SLC8A1: variants seen among roughly 807,000 people sequenced by gnomAD.
SLC8A1 encodes solute carrier family 8 member A1, also known as sodium/calcium exchanger 1.
Under a neutral mutation model 68.3 loss-of-function variants are expected in SLC8A1, and 18 were observed. The ratio of observed to expected loss-of-function variants is 0.26; its 90% CI spans 0.18 to 0.39. SLC8A1 has a LOEUF of 0.39. Ranked by LOEUF, SLC8A1 falls within the 10% of genes least tolerant of loss-of-function variation. The probability of loss-of-function intolerance (pLI) is 1.00; values close to 1 mark genes in which losing one functional copy is unlikely to be tolerated. For missense variants in SLC8A1, 985 were observed against 1,156.7 expected (o/e 0.85, Z 2.15); for synonymous variants, 475 against 415.5 (o/e 1.14, Z -1.74).
intron 2 of SLC8A1, among the ~76,000 whole-genome samples, chr2:40,377,544 T>C (rs1680289993): frequency 6.6e-6 from 1 of 152,146 alleles, no homozygotes; most frequent in African/African-American, 2.4e-5. Flanking sequence ...AATTGTGTGC[T>C]TCAGATGCCA....
intron 7 of SLC8A1, chr2:40,116,842 A>G (rs1368547442): frequency 6.6e-6 from 1 of 152,224 alleles, no homozygotes; most frequent in African/African-American, 2.4e-5. Flanking sequence ...GGTCCACTAC[A>G]GAAGGTTGAA....
At chr2:40,471,628 C>G (rs1004988436) in intron 1 of SLC8A1, among the ~76,000 whole-genome samples, 4 of 152,092 alleles carry the variant, frequency 2.6e-5, no homozygotes, top group African/African-American at 9.7e-5. Context: ...GCACACCCCT[C>G]ATTAAAATAA....
intron 2 of SLC8A1, among the ~76,000 whole-genome samples, chr2:40,336,341 G>A (rs948692689): frequency 1.3e-5 from 2 of 152,254 alleles, no homozygotes; most frequent in South Asian, 2.1e-4. Flanking sequence ...ATTAATGAAT[G>A]AATAAGGATT....
chr2:40,508,260 A>C (rs1346503543), intron 1 of SLC8A1, among the ~76,000 whole-genome samples: 1 of 151,968 alleles, frequency 6.6e-6, no homozygotes, highest in Non-Finnish European at 1.5e-5. Context: ...AAAATGATTC[A>C]AGACATTTCC....
At position 40,421,781 on chromosome 2, in the gene SLC8A1, G is replaced by T. The variant is rs78762253; in HGVS notation, c.1808+6692C>A. 7.7e-4 allele frequency among the ~76,000 whole-genome samples: 118 copies of T among 152,286 alleles called. 1 individual carries two copies. The South Asian group carries it at 0.014, about 19-fold the overall frequency. On this transcript the variant is annotated intron_variant, in intron 2 of 7. Coordinates refer to ENST00000406785, the Ensembl canonical transcript of SLC8A1. Reference sequence around the variant, plus strand: ...CAGGAGAAAGGCAGGAAATGAAAAAGAATTGTTTATTTAGCCTGGCTCTAT... The same window carrying T: ...CAGGAGAAAGGCAGGAAATGAAAAATAATTGTTTATTTAGCCTGGCTCTAT...
At chr2:40,175,320 G>C in intron 3 of SLC8A1, 39 bp from the exon 4 acceptor site, 2 of 1,597,482 alleles carry the variant, frequency 1.3e-6, no homozygotes, top group South Asian at 1.1e-5. Context: ...CAGAATAAGA[G>C]ACCAGATGAA....
chr2:40,284,212 AGTT>A (rs2067923770), intron 2 of SLC8A1, among the ~76,000 whole-genome samples: 1 of 151,286 alleles, frequency 6.6e-6, no homozygotes, highest in African/African-American at 2.4e-5. Flanking sequence ...TATCTCTATA[AGTT>A]GTTTATATCT....
rs116127991 is a variant in SLC8A1 at position 40,287,407 on chromosome 2, C to T, written c.1809-109552G>A. On this transcript the variant is annotated intron_variant, in intron 2 of 7. Transcript: ENST00000406785. ...TGATGTAATAGGAGTCAGGCACTCA[C>T]AGAAGCTGACATTATCCATAATGAC... is the stretch of plus-strand genomic sequence containing the variant. Among the ~76,000 whole-genome samples the T allele has an allele frequency of 8.0e-3, 1,211 of 152,106 alleles. 11 individuals are homozygous for T. Among genetic ancestry groups the T allele is most frequent in the African/African-American group, 0.028 (1,161 of 41,482 alleles).
At chr2:40,147,089 A>C (rs1425019221) in intron 6 of SLC8A1, among the ~76,000 whole-genome samples, 1 of 152,214 alleles carries the variant, frequency 6.6e-6, no homozygotes, top group South Asian at 2.1e-4. Flanking sequence ...ATTTAACGTG[A>C]CAGAAATATT....
At chr2:40,195,506 A>G (rs866189880) in intron 2 of SLC8A1, among the ~76,000 whole-genome samples, 2 of 152,086 alleles carry the variant, frequency 1.3e-5, no homozygotes, top group Non-Finnish European at 2.9e-5. Context: ...TTGGAGAAAA[A>G]TTGAAACTTT....
At position 40,341,047 on chromosome 2, in the gene SLC8A1, A is replaced by G. The variant is rs113632123; in HGVS notation, c.1808+87426T>C. On this transcript the variant is annotated intron_variant, in intron 2 of 7. Transcript: ENST00000406785. ...GCATTTGAAGGAACGGATGCTTAAGAGTAGAAAGGAATGGAGTAGTAGAGA... is the reference window on the plus strand; with the variant it reads ...GCATTTGAAGGAACGGATGCTTAAGGGTAGAAAGGAATGGAGTAGTAGAGA... Among the ~76,000 whole-genome samples the G allele has an allele frequency of 7.5e-3, 1,140 of 152,312 alleles. 15 individuals are homozygous for G. The highest frequency in any genetic ancestry group is 0.026 in the African/African-American group (1,076 of 41,570).
intron 7 of SLC8A1, among the ~76,000 whole-genome samples, chr2:40,131,553 G>A (rs2039338532): frequency 6.6e-6 from 1 of 152,316 alleles, no homozygotes; most frequent in East Asian, 1.9e-4. Context: ...GCTGTTAAGA[G>A]TAGACTGAGT....
intron 7 of SLC8A1, chr2:40,117,150 C>T (rs760731597): frequency 5.9e-5 from 9 of 151,894 alleles, no homozygotes; most frequent in African/African-American, 1.7e-4. Flanking sequence ...CAGGCTAGAT[C>T]GGTTTAAAAG....
intron 2 of SLC8A1, among the ~76,000 whole-genome samples, chr2:40,315,917 G>A (rs529255220): frequency 1.3e-5 from 2 of 152,128 alleles, no homozygotes; most frequent in South Asian, 4.1e-4. Context: ...AAACGGACCT[G>A]GGCATGCAAC....
intron 2 of SLC8A1, among the ~76,000 whole-genome samples, chr2:40,253,129 GTATATATGTATATGTATATACATACA>G (rs1012290665): frequency 1.9e-5 from 2 of 106,212 alleles, no homozygotes; most frequent in East Asian, 2.8e-4. Flanking sequence ...ATATATACAC[GTATATATGTATATGTATATACATACA>G]TATATATGTA....
exon 8 of SLC8A1, chr2:40,105,621 TA>T (rs2034148153): frequency 6.6e-6 from 1 of 152,224 alleles, no homozygotes; most frequent in Non-Finnish European, 1.5e-5. Context: ...TTCAGTTTTG[TA>T]AAAATTGGTC....
intron 2 of SLC8A1, among the ~76,000 whole-genome samples, chr2:40,351,858 A>T (rs1026948996): frequency 2.0e-5 from 3 of 152,178 alleles, no homozygotes; most frequent in African/African-American, 7.2e-5. Flanking sequence ...GACCTAGACT[A>T]ATAAGCAGTA....
intron 2 of SLC8A1, among the ~76,000 whole-genome samples, chr2:40,414,853 A>C (rs991959074): frequency 1.3e-5 from 2 of 152,214 alleles, no homozygotes; most frequent in African/African-American, 2.4e-5. Context: ...CTTGAAAAAA[A>C]TACTATTGGT....
At chr2:40,322,845 C>G (rs1207287491) in intron 2 of SLC8A1, among the ~76,000 whole-genome samples, 1 of 151,244 alleles carries the variant, frequency 6.6e-6, no homozygotes, top group Non-Finnish European at 1.5e-5. Flanking sequence ...CACACACACA[C>G]ACACACCACA....
Sources: gnomAD v4.1 joint callset for allele counts (sites outside exome capture counted in the v4.1 genomes callset) on GRCh38, gnomAD v4.1.1 for gene constraint, MANE v1.5 for transcripts, NCBI Gene and HGNC (gene_info 2026-07-23, HGNC 2026-07-21) for gene names.